Variants in PRICKLE2 observed in about 807,000 individuals in gnomAD.
PRICKLE2 encodes prickle planar cell polarity protein 2, also known as prickle-like protein 2.
Under a neutral mutation model 81.4 loss-of-function variants are expected in PRICKLE2, and 21 were observed. That is an observed-to-expected ratio of 0.26 (90% CI 0.18 to 0.37). PRICKLE2 has a LOEUF of 0.37. PRICKLE2 is among the 10% of genes least tolerant of loss of function. The pLI, the probability that PRICKLE2 is intolerant of heterozygous loss-of-function variation, is 1.00. For missense variants in PRICKLE2, 940 were observed against 1,109.0 expected (o/e 0.85, Z 2.16); for synonymous variants, 456 against 421.5 (o/e 1.08, Z -1.00).
At position 64,198,947 on chromosome 3, in the gene PRICKLE2, T is replaced by G. The variant is rs1347879899; in HGVS notation, c.-20A>C. 2.5e-6 allele frequency: 4 copies of G among 1,613,892 alleles called. No individual in the cohort carries two copies. Among genetic ancestry groups the G allele is most frequent in the Non-Finnish European group, 3.4e-6 (4 of 1,180,038 alleles). On this transcript the variant is annotated 5_prime_UTR_variant, in exon 2 of 8. Coordinates refer to ENST00000638394, the MANE Select transcript of PRICKLE2 (RefSeq NM_198859.4). ...CACCATGTGCTCCTCCTGGGGACAC[T>G]TGCAGTGCAGGCAGATCTTCCTGCA...
intron 7 of PRICKLE2, chr3:64,104,803 A>G (rs1476088754): frequency 6.6e-6 from 1 of 152,232 alleles, no homozygotes; most frequent in Non-Finnish European, 1.5e-5. Flanking sequence ...TCTAGAGAGG[A>G]GAAATGCCTC....
chr3:64,217,799 G>GAT (rs1216506632), intron 1 of PRICKLE2, among the ~76,000 whole-genome samples: 6 of 152,202 alleles, frequency 3.9e-5, no homozygotes, highest in Non-Finnish European at 8.8e-5. Flanking sequence ...GGAGCATGGT[G>GAT]ATACAGGTGC....
chr3:64,137,931 C>A (rs541169431), intron 7 of PRICKLE2, among the ~76,000 whole-genome samples: 21 of 152,142 alleles, frequency 1.4e-4, no homozygotes, highest in Non-Finnish European at 2.9e-4. Context: ...TCCATCTAAT[C>A]TCTCCCTCCA....
intron 7 of PRICKLE2, among the ~76,000 whole-genome samples, chr3:64,105,110 T>C (rs957946210): frequency 7.2e-5 from 11 of 152,260 alleles, no homozygotes; most frequent in African/African-American, 2.4e-4. Flanking sequence ...AACAATAAGC[T>C]TATTCCAGCA....
intron 2 of PRICKLE2, among the ~76,000 whole-genome samples, chr3:64,244,839 C>T (rs2079322627): frequency 6.6e-6 from 1 of 152,106 alleles, no homozygotes; most frequent in Non-Finnish European, 1.5e-5. Context: ...ATGTAATACA[C>T]AGGTATGATT....
chr3:64,149,596 T>C (rs958996226), intron 6 of PRICKLE2, among the ~76,000 whole-genome samples: 1 of 152,198 alleles, frequency 6.6e-6, no homozygotes, highest in South Asian at 2.1e-4. Flanking sequence ...GGGACTAATG[T>C]GGCCTTTATC....
At chr3:64,164,504 C>T (rs2077792535) in intron 2 of PRICKLE2, among the ~76,000 whole-genome samples, 1 of 152,166 alleles carries the variant, frequency 6.6e-6, no homozygotes, top group Non-Finnish European at 1.5e-5. Flanking sequence ...TCTCCAGAAA[C>T]TAAGTCATAA....
intron 7 of PRICKLE2, among the ~76,000 whole-genome samples, chr3:64,142,507 T>C (rs1295647316): frequency 1.3e-5 from 2 of 152,062 alleles, no homozygotes; most frequent in Non-Finnish European, 2.9e-5. Context: ...GACGGGGTTT[T>C]GCCACGTTGG....
chr3:64,223,806 G>A (rs2078992131), intron 1 of PRICKLE2, among the ~76,000 whole-genome samples: 1 of 152,326 alleles, frequency 6.6e-6, no homozygotes, highest in East Asian at 1.9e-4. Flanking sequence ...TCAGCAGGCA[G>A]TAAGCCTTCT....
chr3:64,117,592 C>G (rs2076956265), intron 7 of PRICKLE2, among the ~76,000 whole-genome samples: 1 of 152,122 alleles, frequency 6.6e-6, no homozygotes, highest in Non-Finnish European at 1.5e-5. Flanking sequence ...AAATGAACTC[C>G]CATTCACAAT....
intron 2 of PRICKLE2, among the ~76,000 whole-genome samples, chr3:64,237,108 C>T (rs190369225): frequency 4.9e-4 from 75 of 152,178 alleles, no homozygotes; most frequent in Admixed American, 1.0e-3. Context: ...GGGCAATCGG[C>T]AGGAGGAGAA....
In PRICKLE2 at chr3:64,118,816, G is replaced by C. The variant is rs75969982; in HGVS notation, c.1661-18891C>G. Among the ~76,000 whole-genome samples the C allele has an allele frequency of 1.2e-3, 179 of 152,040 alleles. No individual in the cohort carries two copies. The East Asian group carries it at 0.023, about 19-fold the overall frequency. ...GTTCAACCACTGTGGAAGACAGTGT[G>C]GTAATTCCTCAGAGACCTAATAACA... On this transcript the variant is annotated intron_variant, in intron 7 of 7. Coordinates refer to ENST00000638394, the MANE Select transcript of PRICKLE2 (RefSeq NM_198859.4).
intron 2 of PRICKLE2, among the ~76,000 whole-genome samples, chr3:64,239,114 C>G (rs746544057): frequency 6.6e-5 from 10 of 152,296 alleles, no homozygotes; most frequent in South Asian, 6.2e-4. Flanking sequence ...TTAGCACCCT[C>G]CTCTGAGGGG....
chr3:64,198,623 C>A (rs1390408011), intron 2 of PRICKLE2, 161 bp downstream of exon 2: 22 of 725,256 alleles, frequency 3.0e-5, no homozygotes, highest in Admixed American at 9.9e-5. Flanking sequence ...CATTTCCCTT[C>A]CTCATTTTCC....
intron 7 of PRICKLE2, among the ~76,000 whole-genome samples, chr3:64,112,150 C>T (rs2076858041): frequency 6.6e-6 from 1 of 152,100 alleles, no homozygotes; most frequent in Non-Finnish European, 1.5e-5. Flanking sequence ...TTGGGATACA[C>T]CAGGACCTTT....
intron 7 of PRICKLE2, among the ~76,000 whole-genome samples, chr3:64,136,278 G>A (rs967897319): frequency 6.6e-6 from 1 of 151,802 alleles, no homozygotes; most frequent in African/African-American, 2.4e-5. Flanking sequence ...CATGAGTATG[G>A]TACCTCACCC....
At chr3:64,177,476 A>G (rs1305053817) in intron 2 of PRICKLE2, among the ~76,000 whole-genome samples, 5 of 152,098 alleles carry the variant, frequency 3.3e-5, no homozygotes, top group Non-Finnish European at 7.3e-5. Flanking sequence ...GGCACTGGGT[A>G]CATTCACAAT....
chr3:64,114,535 C>T (rs1206135376), intron 7 of PRICKLE2, among the ~76,000 whole-genome samples: 1 of 151,922 alleles, frequency 6.6e-6, no homozygotes, highest in Admixed American at 6.6e-5. Flanking sequence ...CATAACTGAC[C>T]TTAGAGAGCT....
At chr3:64,110,298 G>A (rs1183521926) in intron 7 of PRICKLE2, among the ~76,000 whole-genome samples, 1 of 152,144 alleles carries the variant, frequency 6.6e-6, no homozygotes, top group Non-Finnish European at 1.5e-5. Context: ...GACTACAGGA[G>A]GACAAAAGCT....
Sources: gnomAD v4.1 joint callset for allele counts (sites outside exome capture counted in the v4.1 genomes callset) on GRCh38, gnomAD v4.1.1 for gene constraint, MANE v1.5 for transcripts, NCBI Gene and HGNC (gene_info 2026-07-23, HGNC 2026-07-21) for gene names.